Variants in SNX3 observed in about 807,000 individuals in gnomAD.
SNX3 encodes sorting nexin-3.
In SNX3, 5 loss-of-function variants were observed where a neutral mutation model predicts 17.7. The observed-to-expected ratio is 0.28, with a 90% confidence interval of 0.15 to 0.59. SNX3 has a LOEUF of 0.59. Ranked by LOEUF, SNX3 falls within the 20% of genes least tolerant of loss-of-function variation. The pLI, the probability that SNX3 is intolerant of heterozygous loss-of-function variation, is 0.88. For synonymous variants in SNX3, 91 were observed against 76.5 expected (o/e 1.19, Z -0.99); for missense variants, 132 against 206.8 (o/e 0.64, Z 2.22).
At chr6:108,234,650 A>T (rs1286439050) in intron 1 of SNX3, among the ~76,000 whole-genome samples, 2 of 152,186 alleles carry the variant, frequency 1.3e-5, no homozygotes, top group Non-Finnish European at 2.9e-5. Flanking sequence ...ATACATATTG[A>T]CTTGTAGATA....
At chr6:108,260,575 C>G (rs1171412011) in intron 1 of SNX3, among the ~76,000 whole-genome samples, 185 bp downstream of exon 1, 2 of 152,162 alleles carry the variant, frequency 1.3e-5, no homozygotes, top group East Asian at 3.9e-4. Context: ...GCCGGGCTCG[C>G]TCTGCAGCCC....
chr6:108,215,918 C>A (rs962315524), intron 2 of SNX3, among the ~76,000 whole-genome samples: 2 of 151,926 alleles, frequency 1.3e-5, no homozygotes, highest in African/African-American at 4.8e-5. Flanking sequence ...GACAGCGAGA[C>A]CCCGTCTTAA....
At chr6:108,232,416 C>T (rs1582486026) in intron 1 of SNX3, among the ~76,000 whole-genome samples, 1 of 152,222 alleles carries the variant, frequency 6.6e-6, no homozygotes, top group Admixed American at 6.5e-5. Context: ...CAGGAAACTA[C>T]CACATTATTG....
intron 2 of SNX3, among the ~76,000 whole-genome samples, chr6:108,216,715 C>T (rs1055743378): frequency 5.3e-5 from 8 of 152,100 alleles, no homozygotes; most frequent in Non-Finnish European, 8.8e-5. Context: ...GTTTCTACAA[C>T]GAGTTGTTTA....
intron 1 of SNX3, among the ~76,000 whole-genome samples, chr6:108,258,997 T>C (rs918688134): frequency 1.3e-5 from 2 of 152,016 alleles, no homozygotes; most frequent in African/African-American, 2.4e-5. Context: ...GTACCTGCTA[T>C]GGAAGTATAG....
intron 1 of SNX3, among the ~76,000 whole-genome samples, chr6:108,241,549 C>T (rs761941512): frequency 6.6e-5 from 10 of 151,982 alleles, no homozygotes; most frequent in Non-Finnish European, 1.5e-4. Context: ...AACCTTTGAC[C>T]AGTCATTTCT....
intron 1 of SNX3, among the ~76,000 whole-genome samples, chr6:108,234,492 G>A (rs376932772): frequency 1.3e-5 from 2 of 151,844 alleles, no homozygotes; most frequent in Admixed American, 6.6e-5. Context: ...CGGAGGTTGC[G>A]GTGAGCCAAA....
At chr6:108,228,483 C>A (rs2355603) in intron 1 of SNX3, among the ~76,000 whole-genome samples, 1 of 151,838 alleles carries the variant, frequency 6.6e-6, no homozygotes, top group East Asian at 1.9e-4. Context: ...GAAGCGGAGA[C>A]TGCAGTGAAC....
chr6:108,236,868 A>T (rs1053953009), intron 1 of SNX3, among the ~76,000 whole-genome samples: 1 of 152,216 alleles, frequency 6.6e-6, no homozygotes, highest in Non-Finnish European at 1.5e-5. Flanking sequence ...GCAACTAGAC[A>T]TCATGACATT....
chr6:108,245,174 T>C (rs541379660), intron 1 of SNX3, among the ~76,000 whole-genome samples: 14 of 152,032 alleles, frequency 9.2e-5, no homozygotes, highest in African/African-American at 1.7e-4. Context: ...TGTGATCTCA[T>C]TGTTCAACTC....
At chr6:108,233,692 T>G (rs1381996063) in intron 1 of SNX3, among the ~76,000 whole-genome samples, 1 of 152,162 alleles carries the variant, frequency 6.6e-6, no homozygotes, top group African/African-American at 2.4e-5. Flanking sequence ...GAGGTTGCAG[T>G]GAGCCAAGGT....
intron 1 of SNX3, among the ~76,000 whole-genome samples, chr6:108,244,830 G>T (rs148336201): frequency 6.6e-6 from 1 of 151,648 alleles, no homozygotes; most frequent in African/African-American, 2.4e-5. Context: ...CAGTAGAGAC[G>T]GGGTTTCGCC....
At chr6:108,223,579 C>T (rs1433373559) in intron 1 of SNX3, among the ~76,000 whole-genome samples, 2 of 138,814 alleles carry the variant, frequency 1.4e-5, no homozygotes, top group Non-Finnish European at 3.0e-5. Context: ...CTCACTGCAA[C>T]CTCCACCTCC....
At chr6:108,251,252 A>G (rs995723311) in intron 1 of SNX3, among the ~76,000 whole-genome samples, 1 of 152,190 alleles carries the variant, frequency 6.6e-6, no homozygotes, top group Admixed American at 6.5e-5. Context: ...GTACAATTTT[A>G]TTTCTTGCAA....
At chr6:108,252,198 A>G (rs9400218) in intron 1 of SNX3, 7,884 of 152,388 alleles carry the variant, frequency 0.052, 379 homozygotes, top group Admixed American at 0.15. Flanking sequence ...GGTCTAAGGA[A>G]GGGATGGCAG....
At chr6:108,221,314 T>C (rs1774762817) in intron 2 of SNX3, among the ~76,000 whole-genome samples, 1 of 151,760 alleles carries the variant, frequency 6.6e-6, no homozygotes, top group African/African-American at 2.4e-5. Flanking sequence ...CTATATATTT[T>C]ACTATATTTT....
At chr6:108,234,705 CTTA>C (rs2114734651) in intron 1 of SNX3, among the ~76,000 whole-genome samples, 1 of 152,158 alleles carries the variant, frequency 6.6e-6, no homozygotes, top group South Asian at 2.1e-4. Context: ...ATATACAAAT[CTTA>C]TTTTTATTAA....
At chr6:108,219,498 C>A (rs1192416810) in intron 2 of SNX3, among the ~76,000 whole-genome samples, 2 of 152,172 alleles carry the variant, frequency 1.3e-5, no homozygotes, top group Admixed American at 1.3e-4. Flanking sequence ...GTCCCAGCTA[C>A]TTGGGAGGCT....
At position 108,260,157 on chromosome 6, in the gene SNX3, C is replaced by T. The variant is rs982867245; in HGVS notation, c.162+603G>A. 2.6e-5 allele frequency among the ~76,000 whole-genome samples: 4 copies of T among 152,236 alleles called. 1 individual carries two copies. Among genetic ancestry groups the T allele is most frequent in the East Asian group, 1.9e-4 (1 of 5,200 alleles). On this transcript the variant is annotated intron_variant, in intron 1 of 3. Transcript: ENST00000230085. Reference sequence around the variant, plus strand: ...TGAGGTAGGTGACACCACACCTCAGCCTTTGGCAGGGCGGTGGCCCAAAAT... The same window carrying T: ...TGAGGTAGGTGACACCACACCTCAGTCTTTGGCAGGGCGGTGGCCCAAAAT...
Sources: gnomAD v4.1 joint callset for allele counts (sites outside exome capture counted in the v4.1 genomes callset) on GRCh38, gnomAD v4.1.1 for gene constraint, MANE v1.5 for transcripts, NCBI Gene and HGNC (gene_info 2026-07-23, HGNC 2026-07-21) for gene names.